The following SVEP1 variants were observed in gnomAD, a reference collection of about 807,000 sequenced individuals.
The protein encoded by SVEP1 is sushi, von Willebrand factor type A, EGF and pentraxin domain-containing protein 1.
In SVEP1, 164 loss-of-function variants were observed where a neutral mutation model predicts 367.3. The ratio of observed to expected loss-of-function variants is 0.45; its 90% CI spans 0.39 to 0.51. SVEP1 has a LOEUF of 0.51. Among genes scored for constraint, SVEP1 ranks in the 20% least tolerant of loss-of-function variants. The pLI is 0.00. For synonymous variants in SVEP1, 1,666 were observed against 1,611.6 expected (o/e 1.03, Z -0.81); for missense variants, 4,117 against 4,425.3 (o/e 0.93, Z 1.98).
chr9:110,527,155 A>G (rs1829949060), intron 3 of SVEP1, among the ~76,000 whole-genome samples: 1 of 152,106 alleles, frequency 6.6e-6, no homozygotes, highest in South Asian at 2.1e-4. Flanking sequence ...ATACTGTACT[A>G]TAATATCTCA....
At chr9:110,399,148 T>C (rs907886962) in intron 40 of SVEP1, among the ~76,000 whole-genome samples, 28 of 152,180 alleles carry the variant, frequency 1.8e-4, no homozygotes, top group Non-Finnish European at 3.5e-4. Context: ...ATATACACCA[T>C]GGAATACTAT....
At chr9:110,574,740 C>CTTTTTTTTT (rs1564180524) in intron 1 of SVEP1, among the ~76,000 whole-genome samples, 2 of 106,332 alleles carry the variant, frequency 1.9e-5, no homozygotes, top group African/African-American at 6.5e-5. Context: ...TCCAGTCGAC[C>CTTTTTTTTT]TTCTTTTTTT....
At chr9:110,401,516 C>T (rs1827860716) in intron 39 of SVEP1, among the ~76,000 whole-genome samples, 1 of 148,522 alleles carries the variant, frequency 6.7e-6, no homozygotes, top group Non-Finnish European at 1.5e-5. Flanking sequence ...TTGAAGGGGT[C>T]ATGTAGAAAA....
At chr9:110,405,418 AT>A (rs1827939796) in intron 38 of SVEP1, among the ~76,000 whole-genome samples, 1 of 151,752 alleles carries the variant, frequency 6.6e-6, no homozygotes, top group East Asian at 1.9e-4. Flanking sequence ...ATACAGCATA[AT>A]TCATTTGTAT....
chr9:110,472,281 T>C lies in SVEP1; in HGVS notation c.2642A>G (p.Tyr881Cys). 1 of 1,611,062 alleles carries C rather than the reference T, an allele frequency of 6.2e-7. No homozygotes were observed. The highest frequency in any genetic ancestry group is 8.5e-7 in the Non-Finnish European group (1 of 1,179,164). The change falls in exon 15 of 48, where the codon TAC becomes TGC. Residue 881 changes from tyrosine (Y) to cysteine (C), a missense_variant. Transcript: ENST00000374469. ...WGAANRLDYS[Y>C]DDFLDTVQET... is the part of the protein sequence containing the mutation. Reference sequence around the variant, plus strand: ...TTGCACAGTGTCCAGGAAGTCATCGTAAGAGTAATCCAGCCTATTAGCTGC... The same window carrying C: ...TTGCACAGTGTCCAGGAAGTCATCGCAAGAGTAATCCAGCCTATTAGCTGC...
intron 5 of SVEP1, among the ~76,000 whole-genome samples, chr9:110,510,057 GA>G (rs1034581941): frequency 6.6e-6 from 1 of 152,188 alleles, no homozygotes; most frequent in African/African-American, 2.4e-5. Context: ...GTCAGTGATA[GA>G]AAAATGCAGT....
chr9:110,472,717 T>C (rs1486335786), intron 14 of SVEP1, among the ~76,000 whole-genome samples: 1 of 152,204 alleles, frequency 6.6e-6, no homozygotes, highest in Non-Finnish European at 1.5e-5. Context: ...TTTTTTAAAA[T>C]TGACCTTAAA....
At chr9:110,522,903 G>A (rs1288193073) in intron 3 of SVEP1, among the ~76,000 whole-genome samples, 1 of 151,946 alleles carries the variant, frequency 6.6e-6, no homozygotes, top group African/African-American at 2.4e-5. Flanking sequence ...TTTTATTTTA[G>A]GCCTTGATTG....
intron 40 of SVEP1, among the ~76,000 whole-genome samples, chr9:110,394,361 T>C (rs948552487): frequency 1.3e-5 from 2 of 151,954 alleles, no homozygotes; most frequent in Non-Finnish European, 2.9e-5. Flanking sequence ...TACGTCACCA[T>C]CATCAAAGAC....
At chr9:110,394,078 C>A (rs1281888568) in intron 40 of SVEP1, among the ~76,000 whole-genome samples, 2 of 152,202 alleles carry the variant, frequency 1.3e-5, no homozygotes, top group Non-Finnish European at 2.9e-5. Flanking sequence ...GTCCCTGACC[C>A]CCGAGTAGCC....
At chr9:110,563,667 G>A (rs559538623) in intron 1 of SVEP1, among the ~76,000 whole-genome samples, 24 of 152,180 alleles carry the variant, frequency 1.6e-4, no homozygotes, top group Non-Finnish European at 2.5e-4. Flanking sequence ...TTTCTAACCC[G>A]AAAGTAGGGA....
intron 8 of SVEP1, among the ~76,000 whole-genome samples, chr9:110,493,823 T>C (rs1829406329): frequency 6.6e-6 from 1 of 152,154 alleles, no homozygotes; most frequent in Non-Finnish European, 1.5e-5. Flanking sequence ...TGATGGGTCT[T>C]ACAGGGTTGA....
At chr9:110,550,478 TTATC>T (rs10550734) in intron 1 of SVEP1, among the ~76,000 whole-genome samples, 31,691 of 148,838 alleles carry the variant, frequency 0.21, 3,413 homozygotes, top group South Asian at 0.24. Flanking sequence ...ATTCCACAAA[TTATC>T]TATCTATCTA....
intron 22 of SVEP1, among the ~76,000 whole-genome samples, chr9:110,451,793 G>C (rs1208651400): frequency 6.6e-6 from 1 of 152,120 alleles, no homozygotes; most frequent in African/African-American, 2.4e-5. Flanking sequence ...AATTATGGGA[G>C]AAATATATTG....
At chr9:110,466,472 C>G (rs1828937989) in intron 17 of SVEP1, among the ~76,000 whole-genome samples, 1 of 152,082 alleles carries the variant, frequency 6.6e-6, no homozygotes, top group South Asian at 2.1e-4. Flanking sequence ...TAAAAAAGAA[C>G]TGGCGGCCGG....
chr9:110,375,463 GCTA>G lies in SVEP1; in HGVS notation c.10505-3_10505-1del, dbSNP rs1827336732. The G allele has an allele frequency of 1.0e-5, 4 of 387,730 alleles. No individual in the cohort carries two copies. Among genetic ancestry groups the G allele is most frequent in the Non-Finnish European group, 1.5e-5 (4 of 265,446 alleles). 24.0% of individuals were successfully genotyped at this position (387,730 alleles called of 1,614,324 possible). A position where few individuals can be genotyped will look rare whatever the true frequency, so the allele number is the denominator to read the frequency against. Reference sequence around the variant, plus strand: ...GTTCAGACAGGGAAGAATGCAGATTGCTAAAAAAAAAAAAAAAAAAAAAAAAAG... The same window carrying G: ...GTTCAGACAGGGAAGAATGCAGATTGAAAAAAAAAAAAAAAAAAAAAAAAG... On this transcript the variant is annotated splice_acceptor_variant and splice_polypyrimidine_tract_variant and intron_variant, in intron 45 of 47. Coordinates refer to ENST00000374469, the MANE Select transcript of SVEP1 (RefSeq NM_153366.4). LOFTEE classifies it high-confidence loss of function.
At chr9:110,499,334 T>C in intron 6 of SVEP1, 96 bp from the exon 7 acceptor site, 2 of 1,155,176 alleles carry the variant, frequency 1.7e-6, no homozygotes, top group South Asian at 1.6e-5. Flanking sequence ...TTATGCTGCC[T>C]TAGGATTTAC....
Position 110,429,972 on chromosome 9 carries a change from T to C in SVEP1, c.5563A>G (p.Asn1855Asp). ...VSCGKPAIPE[N>D]GCIEELAFTF... is the part of the protein sequence containing the mutation. ...AATGCTAACTCCTCAATGCAACCAT[T>C]TTCTGGAATAGCCGGTTTACCACAT... Residue 1855 changes from asparagine (N) to aspartate (D), a missense_variant, in exon 34 of 48, where the codon AAT (asparagine) becomes GAT (aspartate). Asn to Asp is a conservative substitution (Grantham distance 23). Coordinates refer to ENST00000374469, the MANE Select transcript of SVEP1 (RefSeq NM_153366.4). The C allele has an allele frequency of 6.2e-7, 1 of 1,612,808 alleles. No individual in the cohort carries two copies. The highest frequency in any genetic ancestry group is 2.2e-5 in the East Asian group (1 of 44,860).
At chr9:110,414,682 A>G (rs1428412197) in intron 36 of SVEP1, among the ~76,000 whole-genome samples, 1 of 152,024 alleles carries the variant, frequency 6.6e-6, no homozygotes, top group Non-Finnish European at 1.5e-5. Flanking sequence ...CACACTGGGT[A>G]GAAGCTTACT....
Sources: allele counts gnomAD v4.1 joint callset (sites outside exome capture counted in the v4.1 genomes callset), GRCh38; gene constraint gnomAD v4.1.1; transcripts MANE v1.5; gene names NCBI Gene and HGNC (gene_info 2026-07-23, HGNC 2026-07-21).